UMAD1: variants seen among roughly 807,000 people sequenced by gnomAD.
UMAD1 encodes UBAP1-MVB12-associated (UMA) domain containing 1, also known as UBAP1-MVB12-associated (UMA)-domain containing protein 1.
Under a neutral mutation model 6.1 loss-of-function variants are expected in UMAD1, and 8 were observed. That is an observed-to-expected ratio of 1.30 (90% confidence interval 0.76 to 2.35). UMAD1 has a LOEUF of 2.35. UMAD1 is among the 30% of genes most tolerant of loss of function. The pLI is 0.00. For synonymous variants in UMAD1, 56 were observed against 31.4 expected, an observed-to-expected ratio of 1.78 and a Z score of -2.61; for missense variants, 130 against 78.4, an observed-to-expected ratio of 1.66 and a Z score of -2.49.
chr7:7,830,567 A>C lies in UMAD1; in HGVS notation c.156+28824A>C, dbSNP rs138404468. Among the ~76,000 whole-genome samples, 1 of 151,952 alleles carries C rather than the reference A, an allele frequency of 6.6e-6. No homozygotes were observed. The highest frequency in any genetic ancestry group is 2.4e-5 in the African/African-American group (1 of 41,344). On this transcript the variant is annotated intron_variant, in intron 3 of 3. Transcript: ENST00000682710. The surrounding 1 kb of genome is among the most constrained non-coding windows in gnomAD (Gnocchi z 5.3). Reference sequence around the variant, plus strand: ...TCTTCTTTGCTCTGGGTGCCCAAAAACTGTGAGCCAACTTCAAAGTGTGGA... The same window carrying C: ...TCTTCTTTGCTCTGGGTGCCCAAAACCTGTGAGCCAACTTCAAAGTGTGGA...
chr7:7,671,721 CT>C (rs1779609147), intron 1 of UMAD1, among the ~76,000 whole-genome samples: 1 of 151,798 alleles, frequency 6.6e-6, no homozygotes, highest in African/African-American at 2.4e-5. Context: ...TTTTCTTTTG[CT>C]TTTTCATCTA....
At chr7:7,777,814 A>G (rs1782250049) in intron 2 of UMAD1, among the ~76,000 whole-genome samples, 1 of 152,058 alleles carries the variant, frequency 6.6e-6, no homozygotes, top group Admixed American at 6.5e-5. Context: ...GCTCCTTTTC[A>G]ATATAGTTAA....
chr7:7,770,213 G>A (rs1004472519), intron 2 of UMAD1, among the ~76,000 whole-genome samples: 7 of 151,884 alleles, frequency 4.6e-5, no homozygotes, highest in African/African-American at 1.7e-4. Context: ...CCTCCCCTCC[G>A]TATTCAAACT....
chr7:7,869,622 G>A (rs1395053052), intron 3 of UMAD1, among the ~76,000 whole-genome samples: 2 of 152,114 alleles, frequency 1.3e-5, no homozygotes, highest in Admixed American at 1.3e-4. Flanking sequence ...GCAGAAAAAA[G>A]CAGGAGGTTT....
chr7:7,793,391 T>C (rs1782608456), intron 2 of UMAD1, among the ~76,000 whole-genome samples: 2 of 152,160 alleles, frequency 1.3e-5, no homozygotes, highest in Non-Finnish European at 2.9e-5. Flanking sequence ...AAGGAGTTAA[T>C]GGTGTGGCCA....
At chr7:7,789,977 G>C (rs955074986) in intron 2 of UMAD1, among the ~76,000 whole-genome samples, 1 of 152,102 alleles carries the variant, frequency 6.6e-6, no homozygotes, top group Non-Finnish European at 1.5e-5. Flanking sequence ...TACTTAGTGA[G>C]CCCCAATCTT....
intron 1 of UMAD1, among the ~76,000 whole-genome samples, chr7:7,655,549 A>T (rs1785320103): frequency 6.6e-6 from 1 of 152,130 alleles, no homozygotes; most frequent in African/African-American, 2.4e-5. Context: ...CCAACTTCCT[A>T]AGTATTTTAG....
Position 7,765,970 on chromosome 7 carries a change from C to A in UMAD1, c.83-35700C>A, listed in dbSNP as rs533335649. ...CTTGTATATATAACAAATGGTAGAA[C>A]AGTTCTCCTCAGTTACATATCGTTG... On this transcript the variant is annotated intron_variant, in intron 2 of 3. Coordinates refer to ENST00000682710, the MANE Select transcript of UMAD1 (RefSeq NM_001302348.2). Among the ~76,000 whole-genome samples, 3 of 152,218 alleles carry A rather than the reference C, an allele frequency of 2.0e-5. No individual in the cohort carries two copies. The East Asian group carries it at 5.8e-4, about 29-fold the overall frequency.
intron 2 of UMAD1, among the ~76,000 whole-genome samples, chr7:7,792,684 C>T (rs1392215918): frequency 2.0e-5 from 3 of 152,192 alleles, no homozygotes; most frequent in Non-Finnish European, 2.9e-5. Context: ...CTTCCCCTCC[C>T]ATCCTCTCTG....
At position 7,878,512 on chromosome 7, in the gene UMAD1, G is replaced by C. The variant is rs1017445116; in HGVS notation, c.*974G>C. 1 of 152,086 alleles carries C rather than the reference G, an allele frequency of 6.6e-6. No homozygotes were observed. The highest frequency in any genetic ancestry group is 1.5e-5 in the Non-Finnish European group (1 of 68,014). 9.4% of individuals were successfully genotyped at this position (152,086 alleles called of 1,614,324 possible). A position where few individuals can be genotyped will look rare whatever the true frequency, so the allele number is the denominator to read the frequency against. ...CACCTAGATATGACTTTTAGTTCTT[G>C]AATATCCATTACTTACTTTAATGAA... On this transcript the variant is annotated 3_prime_UTR_variant, in exon 4 of 4. Transcript: ENST00000682710.
At position 7,640,783 on chromosome 7, in the gene UMAD1, C is replaced by G; in HGVS notation, c.-102C>G. The G allele has an allele frequency of 4.6e-6, 1 of 219,454 alleles. No individual in the cohort carries two copies. Among genetic ancestry groups the G allele is most frequent in the Non-Finnish European group, 9.3e-6 (1 of 107,782 alleles). 13.6% of individuals were successfully genotyped at this position (219,454 alleles called of 1,614,324 possible). A position where few individuals can be genotyped will look rare whatever the true frequency, so the allele number is the denominator to read the frequency against. On this transcript the variant is annotated 5_prime_UTR_variant, in exon 1 of 4. Transcript: ENST00000682710. ...ACCCCGGAAGTGGGGTGTGAAGCTC[C>G]GGTGCTGGTGCGGCGGGGGACTGCG...
At chr7:7,739,346 G>C (rs769648968) in intron 2 of UMAD1, among the ~76,000 whole-genome samples, 1 of 152,170 alleles carries the variant, frequency 6.6e-6, no homozygotes, top group African/African-American at 2.4e-5. Flanking sequence ...GTAAGTTACT[G>C]TAGCCTTAGG....
rs952624260 is a variant in UMAD1, at chr7:7,873,716, G to A, written c.157-3565G>A. On this transcript the variant is annotated intron_variant, in intron 3 of 3. Coordinates refer to ENST00000682710, the MANE Select transcript of UMAD1 (RefSeq NM_001302348.2). ...TTAGGTATTGGAGATGCTTTGTGAC[G>A]AGTTCCTTCTCTATAAATTCTCTAT... 4.6e-5 allele frequency among the ~76,000 whole-genome samples: 7 copies of A among 152,104 alleles called. No homozygotes were observed. The South Asian group carries it at 6.2e-4, about 14-fold the overall frequency.
At chr7:7,857,306 A>G (rs1784036730) in intron 3 of UMAD1, among the ~76,000 whole-genome samples, 1 of 152,212 alleles carries the variant, frequency 6.6e-6, no homozygotes, top group East Asian at 1.9e-4. Flanking sequence ...CTAGCCTCTG[A>G]TATAATCTCT....
intron 2 of UMAD1, among the ~76,000 whole-genome samples, chr7:7,794,895 G>A (rs1563211861): frequency 6.6e-6 from 1 of 152,106 alleles, no homozygotes; most frequent in Admixed American, 6.5e-5. Flanking sequence ...TCTCTATAGG[G>A]CTGTTACCTG....
intron 2 of UMAD1, among the ~76,000 whole-genome samples, chr7:7,768,818 T>C (rs1782044943): frequency 6.6e-6 from 1 of 152,238 alleles, no homozygotes; most frequent in South Asian, 2.1e-4. Flanking sequence ...AATTTTGTAC[T>C]TTCTCTTCTT....
At chr7:7,866,399 G>A (rs1310682441) in intron 3 of UMAD1, among the ~76,000 whole-genome samples, 2 of 152,174 alleles carry the variant, frequency 1.3e-5, no homozygotes, top group Admixed American at 1.3e-4. Flanking sequence ...AGGGAACACA[G>A]GGATGGTTAC....
At chr7:7,819,666 A>G (rs915994449) in intron 3 of UMAD1, among the ~76,000 whole-genome samples, 6 of 152,246 alleles carry the variant, frequency 3.9e-5, no homozygotes, top group African/African-American at 7.2e-5. Context: ...TCTGAAAGAA[A>G]AATGGGTTCA....
intron 3 of UMAD1, among the ~76,000 whole-genome samples, chr7:7,855,294 C>A (rs372061960): frequency 6.6e-6 from 1 of 152,238 alleles, no homozygotes; most frequent in East Asian, 1.9e-4. Flanking sequence ...CCCCACATTT[C>A]CCTTCTGCAC....
Sources: allele counts gnomAD v4.1 joint callset (sites outside exome capture counted in the v4.1 genomes callset), GRCh38; gene constraint gnomAD v4.1.1; non-coding constraint Gnocchi (gnomAD v3.1); transcripts MANE v1.5; gene names NCBI Gene and HGNC (gene_info 2026-07-23, HGNC 2026-07-21).